The following UTRN variants were observed in gnomAD, a reference collection of about 807,000 sequenced individuals.
UTRN encodes the protein dystrophin-related protein 1.
Under a neutral mutation model 463.9 loss-of-function variants are expected in UTRN, and 283 were observed. The ratio of observed to expected loss-of-function variants is 0.61; its 90% CI spans 0.55 to 0.67. The LOEUF (loss-of-function observed/expected upper bound fraction) is 0.67. Among genes scored for constraint, UTRN ranks in the 30% least tolerant of loss-of-function variants. The probability of loss-of-function intolerance (pLI) is 0.00; values close to 1 mark genes in which losing one functional copy is unlikely to be tolerated. For synonymous variants in UTRN, 1,442 were observed against 1,431.5 expected (o/e 1.01, Z -0.17); for missense variants, 3,922 against 4,084.3 (o/e 0.96, Z 1.08).
chr6:144,399,736 G>A (rs551922262), intron 2 of UTRN, among the ~76,000 whole-genome samples: 8 of 152,256 alleles, frequency 5.3e-5, no homozygotes, highest in South Asian at 4.1e-4. Flanking sequence ...CACATTTCCA[G>A]TTTAGGATTT....
intron 2 of UTRN, among the ~76,000 whole-genome samples, chr6:144,348,048 T>C (rs1777760371): frequency 1.3e-5 from 2 of 151,990 alleles, no homozygotes; most frequent in Admixed American, 6.6e-5. Flanking sequence ...GATCTCACTA[T>C]GTTGCCCAGG....
At chr6:144,836,175 CCTG>C in intron 70 of UTRN, 123 bp from the exon 71 acceptor site, 1 of 1,429,694 alleles carries the variant, frequency 7.0e-7, no homozygotes, top group Non-Finnish European at 9.2e-7. Flanking sequence ...GCATGCTCAT[CCTG>C]CTATTAATAC....
intron 2 of UTRN, among the ~76,000 whole-genome samples, chr6:144,390,397 A>G (rs1485862778): frequency 6.6e-6 from 1 of 152,108 alleles, no homozygotes; most frequent in African/African-American, 2.4e-5. Context: ...CCTCCCCATG[A>G]GTCCATTTTT....
chr6:144,480,071 C>A, intron 26 of UTRN, 89 bp downstream of exon 26: 1 of 1,431,534 alleles, frequency 7.0e-7, no homozygotes, highest in Non-Finnish European at 9.4e-7. Flanking sequence ...ATCTGTCAAA[C>A]ACTATGTGCA....
intron 48 of UTRN, 111 bp from the exon 49 acceptor site, chr6:144,554,577 G>A (rs2128613628): frequency 9.3e-7 from 1 of 1,078,692 alleles, no homozygotes; most frequent in East Asian, 2.6e-5. Flanking sequence ...TTATCAGCTT[G>A]CCTTCTTCTG....
At chr6:144,725,246 G>A (rs550523128) in intron 53 of UTRN, among the ~76,000 whole-genome samples, 75 of 152,304 alleles carry the variant, frequency 4.9e-4, no homozygotes, top group Non-Finnish European at 7.9e-4. Flanking sequence ...CATGTAAGAC[G>A]TCCCTTTGCT....
At chr6:144,390,181 A>T (rs1486224627) in intron 2 of UTRN, among the ~76,000 whole-genome samples, 1 of 152,202 alleles carries the variant, frequency 6.6e-6, no homozygotes, top group African/African-American at 2.4e-5. Flanking sequence ...TCTAATTGAG[A>T]ATAGAACGGG....
At chr6:144,598,319 A>G (rs1235995540) in intron 51 of UTRN, among the ~76,000 whole-genome samples, 1 of 152,244 alleles carries the variant, frequency 6.6e-6, no homozygotes, top group East Asian at 1.9e-4. Context: ...GGAGGATTCA[A>G]AGATTTTCTG....
intron 2 of UTRN, among the ~76,000 whole-genome samples, chr6:144,399,547 C>G (rs549608460): frequency 2.8e-4 from 42 of 152,282 alleles, no homozygotes; most frequent in African/African-American, 1.0e-3. Flanking sequence ...CTAGGTGCTA[C>G]TTTCCTGAAT....
chr6:144,719,860 A>G (rs746800931), intron 53 of UTRN, among the ~76,000 whole-genome samples: 2 of 152,248 alleles, frequency 1.3e-5, no homozygotes, highest in Admixed American at 6.5e-5. Context: ...AGAAAATTTT[A>G]AGAAAAGTGC....
chr6:144,743,054 A>C (rs1393133282), intron 54 of UTRN, among the ~76,000 whole-genome samples: 1 of 152,212 alleles, frequency 6.6e-6, no homozygotes, highest in Non-Finnish European at 1.5e-5. Flanking sequence ...AATGAAGTGA[A>C]AATATGTCCA....
intron 3 of UTRN, among the ~76,000 whole-genome samples, chr6:144,405,027 G>T (rs1360469772): frequency 6.6e-6 from 1 of 152,184 alleles, no homozygotes; most frequent in African/African-American, 2.4e-5. Flanking sequence ...TACTGGAAAA[G>T]ACTTGGTAAT....
chr6:144,533,103 A>G lies in UTRN; in HGVS notation c.6076A>G (p.Ser2026Gly). Residue 2026 changes from serine (S) to glycine (G), a missense_variant, in exon 43 of 75, where the codon AGC (serine) becomes GGC (glycine). Ser to Gly is a moderately conservative substitution (Grantham distance 56). Transcript: ENST00000367545. ...GTTACAGGAACTTGAGGTGGGCATCAGCAGCCACCAGCCCAGTTTTGCAGC... is the reference window on the plus strand; with the variant it reads ...GTTACAGGAACTTGAGGTGGGCATCGGCAGCCACCAGCCCAGTTTTGCAGC... ...IHQQELEVGI[S>G]SHQPSFAALN... The G allele has an allele frequency of 1.2e-6, 2 of 1,607,090 alleles. No homozygotes were observed. The highest frequency in any genetic ancestry group is 1.7e-6 in the Non-Finnish European group (2 of 1,173,814).
intron 50 of UTRN, among the ~76,000 whole-genome samples, chr6:144,560,790 T>C (rs1799798224): frequency 6.6e-6 from 1 of 152,124 alleles, no homozygotes; most frequent in Non-Finnish European, 1.5e-5. Context: ...TCTTTATTTA[T>C]TCTGGTTAGT....
intron 45 of UTRN, among the ~76,000 whole-genome samples, chr6:144,540,159 C>G (rs1353020335): frequency 1.3e-5 from 2 of 151,752 alleles, no homozygotes; most frequent in Admixed American, 6.6e-5. Context: ...TTACTAGGTT[C>G]CAGTGAAATG....
intron 61 of UTRN, among the ~76,000 whole-genome samples, chr6:144,785,289 G>C (rs182592477): frequency 6.6e-6 from 1 of 152,278 alleles, no homozygotes; most frequent in Admixed American, 6.5e-5. Flanking sequence ...GCCAGAACTG[G>C]TGTTTTCAGC....
At chr6:144,401,122 C>T (rs554320763) in intron 2 of UTRN, among the ~76,000 whole-genome samples, 1 of 152,196 alleles carries the variant, frequency 6.6e-6, no homozygotes, top group Non-Finnish European at 1.5e-5. Flanking sequence ...ATTTTTATGG[C>T]CCCAAATTCT....
chr6:144,699,473 GTTTTTTTT>G (rs71024902), intron 52 of UTRN, among the ~76,000 whole-genome samples: 105 of 67,622 alleles, frequency 1.6e-3, no homozygotes, highest in South Asian at 3.4e-3. Flanking sequence ...TTAGTCAGTG[GTTTTTTTT>G]TTTTTTTTTT....
At chr6:144,836,070 TAAC>T in intron 70 of UTRN, 132 bp downstream of exon 70, 1 of 1,443,090 alleles carries the variant, frequency 6.9e-7, no homozygotes, top group Non-Finnish European at 9.3e-7. Context: ...TAGAGGCTAT[TAAC>T]AAACTGGGAT....
Sources: allele counts gnomAD v4.1 joint callset (sites outside exome capture counted in the v4.1 genomes callset), GRCh38; gene constraint gnomAD v4.1.1; transcripts MANE v1.5; gene names NCBI Gene and HGNC (gene_info 2026-07-23, HGNC 2026-07-21).